RNF130: variants seen among roughly 807,000 people sequenced by gnomAD.
RNF130 encodes ring finger protein 130, also known as E3 ubiquitin-protein ligase RNF130.
A neutral mutation model predicts 44.6 loss-of-function variants in RNF130; 21 were observed. That is an observed-to-expected ratio of 0.47 (90% CI 0.33 to 0.68). The LOEUF is 0.68. Ranked by LOEUF, RNF130 falls within the 30% of genes least tolerant of loss-of-function variation. The pLI is 0.02. For missense variants in RNF130, 479 were observed against 560.6 expected (o/e 0.85, Z 1.47); for synonymous variants, 214 against 210.4 (o/e 1.02, Z -0.15).
intron 8 of RNF130, among the ~76,000 whole-genome samples, chr5:179,962,063 G>A (rs1406363133): frequency 6.6e-6 from 1 of 152,196 alleles, no homozygotes; most frequent in Non-Finnish European, 1.5e-5. Flanking sequence ...CTGAAAAACG[G>A]AGGAGCTGAG....
intron 1 of RNF130, among the ~76,000 whole-genome samples, chr5:180,066,052 T>C (rs1039413310): frequency 1.3e-5 from 2 of 152,222 alleles, no homozygotes; most frequent in Non-Finnish European, 2.9e-5. Context: ...CACTGCTGCA[T>C]AATATGTGCA....
At chr5:179,914,800 CG>C (rs1761518017) in exon 8 of RNF130, 1 of 152,090 alleles carries the variant, frequency 6.6e-6, no homozygotes, top group African/African-American at 2.4e-5. Flanking sequence ...GACACTAAGG[CG>C]GGAGGGTCAC....
chr5:179,967,054 A>C, intron 6 of RNF130, 44 bp from the exon 7 acceptor site: 1 of 1,514,200 alleles, frequency 6.6e-7, no homozygotes, highest in East Asian at 2.3e-5. Context: ...AGGAAAACAC[A>C]ACCTTTCATA....
intron 7 of RNF130, among the ~76,000 whole-genome samples, chr5:179,925,670 A>T (rs550303112): frequency 6.6e-6 from 1 of 152,314 alleles, no homozygotes; most frequent in Non-Finnish European, 1.5e-5. Flanking sequence ...CTGGGACTAC[A>T]GGTACATGCC....
intron 3 of RNF130, among the ~76,000 whole-genome samples, chr5:179,986,459 A>T (rs1422203699): frequency 2.0e-5 from 3 of 152,220 alleles, no homozygotes; most frequent in Non-Finnish European, 1.5e-5. Context: ...TACTGCACTA[A>T]ACACATTGAA....
chr5:180,036,224 C>T (rs969429190), intron 2 of RNF130, among the ~76,000 whole-genome samples: 13 of 152,164 alleles, frequency 8.5e-5, no homozygotes, highest in Non-Finnish European at 1.6e-4. Flanking sequence ...CTGGGTTAAA[C>T]ACATGAAATC....
chr5:179,931,806 A>G (rs931126950), intron 7 of RNF130, among the ~76,000 whole-genome samples: 85 of 152,078 alleles, frequency 5.6e-4, no homozygotes, highest in Admixed American at 5.5e-3. Flanking sequence ...TACAGTACAA[A>G]GACTTTGTAA....
intron 2 of RNF130, among the ~76,000 whole-genome samples, chr5:180,025,156 A>C (rs1376611611): frequency 6.6e-6 from 1 of 152,236 alleles, no homozygotes; most frequent in Middle Eastern, 3.2e-3. Context: ...CTAAGGCTGC[A>C]TGATCCTCCT....
At chr5:179,932,449 G>A (rs1270032527) in intron 7 of RNF130, among the ~76,000 whole-genome samples, 24 of 151,944 alleles carry the variant, frequency 1.6e-4, no homozygotes, top group South Asian at 1.5e-3. Flanking sequence ...TAGTAGAGAC[G>A]GGGTTTCACC....
At chr5:180,053,174 C>T (rs527524527) in intron 1 of RNF130, among the ~76,000 whole-genome samples, 1 of 152,222 alleles carries the variant, frequency 6.6e-6, no homozygotes, top group East Asian at 1.9e-4. Context: ...TCAAAACTGG[C>T]AGACAGGATA....
chr5:180,052,926 C>T (rs1384246165), intron 1 of RNF130, among the ~76,000 whole-genome samples: 3 of 152,132 alleles, frequency 2.0e-5, no homozygotes, highest in Non-Finnish European at 2.9e-5. Context: ...AGAAAATAAT[C>T]AGTGACACTT....
chr5:180,024,794 T>C (rs769552890), intron 2 of RNF130, among the ~76,000 whole-genome samples: 2 of 152,228 alleles, frequency 1.3e-5, no homozygotes, highest in African/African-American at 2.4e-5. Context: ...GTTTTGCCAT[T>C]CCCACTCCCT....
chr5:180,027,446 A>G (rs771120399), intron 2 of RNF130, among the ~76,000 whole-genome samples: 1 of 152,224 alleles, frequency 6.6e-6, no homozygotes, highest in Non-Finnish European at 1.5e-5. Context: ...GAAGAGGATC[A>G]TAATTCTGGA....
intron 7 of RNF130, among the ~76,000 whole-genome samples, chr5:179,933,429 T>C (rs943573877): frequency 3.3e-5 from 5 of 152,008 alleles, no homozygotes; most frequent in Non-Finnish European, 7.4e-5. Context: ...TGTGAGTGTG[T>C]GGTAAAAAGC....
chr5:180,035,500 A>G (rs923972042), intron 2 of RNF130, among the ~76,000 whole-genome samples: 2 of 152,222 alleles, frequency 1.3e-5, no homozygotes, highest in African/African-American at 2.4e-5. Context: ...TGTGCTACAT[A>G]TGTTGGCTAG....
chr5:179,975,314 C>T (rs1229381880), intron 5 of RNF130, among the ~76,000 whole-genome samples: 2 of 152,190 alleles, frequency 1.3e-5, no homozygotes, highest in Non-Finnish European at 1.5e-5. Flanking sequence ...CTCAGCTCAG[C>T]GGTTCTCATC....
chr5:179,982,343 GACA>G (rs1412613561), intron 3 of RNF130, among the ~76,000 whole-genome samples: 6 of 151,746 alleles, frequency 4.0e-5, no homozygotes, highest in East Asian at 3.9e-4. Context: ...CTGAAAAGCT[GACA>G]ACAACATTCT....
intron 2 of RNF130, among the ~76,000 whole-genome samples, chr5:180,031,128 T>C (rs1764122733): frequency 1.3e-5 from 2 of 152,250 alleles, no homozygotes; most frequent in South Asian, 2.1e-4. Flanking sequence ...ATAACATATA[T>C]AACAAAGTAT....
rs969860295 is a variant in RNF130, at chr5:179,977,688, C to T, written c.848+515G>A. On this transcript the variant is annotated intron_variant, in intron 5 of 8. Transcript: ENST00000521389. The surrounding 1 kb of genome is among the most constrained non-coding windows in gnomAD (Gnocchi z 4.1). ...CCAACATGATGAAACCCCGTCTCTA[C>T]TAAAAATACAAAAATTATCTGGGCA... is the stretch of plus-strand genomic sequence containing the variant. Among the ~76,000 whole-genome samples, 2 of 152,118 alleles carry T rather than the reference C, an allele frequency of 1.3e-5. No homozygotes were observed. Among genetic ancestry groups the T allele is most frequent in the Non-Finnish European group, 2.9e-5 (2 of 68,016 alleles).
Sources: gnomAD v4.1 joint callset for allele counts (sites outside exome capture counted in the v4.1 genomes callset) on GRCh38, gnomAD v4.1.1 for gene constraint, Gnocchi (gnomAD v3.1) non-coding constraint, MANE v1.5 for transcripts, NCBI Gene and HGNC (gene_info 2026-07-23, HGNC 2026-07-21) for gene names.